Variants in NTM observed in about 807,000 individuals in gnomAD.
The protein encoded by NTM is IgLON family member 2.
Under a neutral mutation model 42.1 loss-of-function variants are expected in NTM, and 13 were observed. The ratio of observed to expected loss-of-function variants is 0.31; its 90% CI spans 0.20 to 0.49. The LOEUF (loss-of-function observed/expected upper bound fraction) is 0.49. NTM is among the 20% of genes least tolerant of loss of function. The pLI is 0.99. For synonymous variants in NTM, 187 were observed against 179.2 expected (o/e 1.04, Z -0.35); for missense variants, 373 against 452.8 (o/e 0.82, Z 1.60).
At chr11:131,622,569 G>T (rs1297814446) in intron 1 of NTM, among the ~76,000 whole-genome samples, 4 of 152,068 alleles carry the variant, frequency 2.6e-5, no homozygotes, top group Admixed American at 1.3e-4. Context: ...CTATTTGGTA[G>T]CCAAAATTTT....
chr11:131,444,368 C>A (rs1350488134), intron 1 of NTM, among the ~76,000 whole-genome samples: 1 of 152,088 alleles, frequency 6.6e-6, no homozygotes, highest in Non-Finnish European at 1.5e-5. Context: ...TCAGATTGCT[C>A]ATATCAAATG....
At chr11:132,107,442 C>T (rs1286922765) in intron 2 of NTM, among the ~76,000 whole-genome samples, 1 of 150,276 alleles carries the variant, frequency 6.7e-6, no homozygotes, top group Non-Finnish European at 1.5e-5. Flanking sequence ...CCTCAACTCC[C>T]CAAGCTCAAG....
At chr11:131,975,541 G>C (rs1445980362) in intron 2 of NTM, among the ~76,000 whole-genome samples, 3 of 146,946 alleles carry the variant, frequency 2.0e-5, no homozygotes, top group East Asian at 2.5e-4. Context: ...GTTAGGGGAG[G>C]GGGGAAAAAA....
intron 3 of NTM, among the ~76,000 whole-genome samples, chr11:132,170,850 AG>A (rs990394427): frequency 9.2e-5 from 14 of 152,210 alleles, no homozygotes; most frequent in African/African-American, 3.1e-4. Context: ...TGTTGGGAAT[AG>A]GAAAATGAGT....
intron 1 of NTM, among the ~76,000 whole-genome samples, chr11:131,589,840 G>A (rs946657845): frequency 1.8e-4 from 28 of 152,164 alleles, no homozygotes; most frequent in Admixed American, 5.9e-4. Flanking sequence ...GGAGGTGTGA[G>A]GCTTATATCA....
chr11:132,000,161 C>T (rs536871505), intron 2 of NTM, among the ~76,000 whole-genome samples: 1 of 152,288 alleles, frequency 6.6e-6, no homozygotes, highest in East Asian at 1.9e-4. Flanking sequence ...GCTTCTACTG[C>T]ACACACTCCC....
At chr11:131,492,444 C>T (rs1480350368) in intron 1 of NTM, among the ~76,000 whole-genome samples, 1 of 152,154 alleles carries the variant, frequency 6.6e-6, no homozygotes, top group Non-Finnish European at 1.5e-5. Flanking sequence ...ACAGTACCTT[C>T]CACAACTTCA....
intron 1 of NTM, among the ~76,000 whole-genome samples, chr11:131,609,771 C>A (rs2137523134): frequency 6.6e-6 from 1 of 152,330 alleles, no homozygotes; most frequent in Admixed American, 6.5e-5. Flanking sequence ...CTGTCTTCAA[C>A]CCTTCTACCC....
At chr11:131,600,929 A>G (rs2137417939) in intron 1 of NTM, among the ~76,000 whole-genome samples, 1 of 152,316 alleles carries the variant, frequency 6.6e-6, no homozygotes, top group East Asian at 1.9e-4. Flanking sequence ...GAATTGAGTC[A>G]GGATCAGGGA....
chr11:131,618,629 A>C (rs562586621), intron 1 of NTM, among the ~76,000 whole-genome samples: 1 of 152,322 alleles, frequency 6.6e-6, no homozygotes, highest in African/African-American at 2.4e-5. Context: ...AGCCCACTTT[A>C]AAACCTCCCC....
At chr11:132,129,223 C>T (rs1475650608) in intron 2 of NTM, among the ~76,000 whole-genome samples, 1 of 152,130 alleles carries the variant, frequency 6.6e-6, no homozygotes, top group African/African-American at 2.4e-5. Flanking sequence ...AAACTGTTTG[C>T]ATTTCTGGAA....
At chr11:131,779,707 C>T (rs1000542234) in intron 1 of NTM, among the ~76,000 whole-genome samples, 3 of 152,118 alleles carry the variant, frequency 2.0e-5, no homozygotes, top group Admixed American at 1.3e-4. Context: ...TAAGCTGCAA[C>T]TCAGGGCAAG....
intron 4 of NTM, chr11:132,284,204 T>C (rs1346098803): frequency 6.6e-6 from 1 of 152,310 alleles, no homozygotes; most frequent in African/African-American, 2.4e-5. Flanking sequence ...ACACCCACTC[T>C]ACTGGTTGCT....
At chr11:132,011,407 GATAATGGCAGCGGAGTCA>G (rs1334846952) in intron 2 of NTM, among the ~76,000 whole-genome samples, 2 of 152,208 alleles carry the variant, frequency 1.3e-5, no homozygotes. Context: ...ATGGAAAACA[GATAATGGCAGCGGAGTCA>G]ATAAAGTCAG....
intron 1 of NTM, among the ~76,000 whole-genome samples, chr11:131,462,778 C>A (rs1008323960): frequency 6.6e-6 from 1 of 151,786 alleles, no homozygotes; most frequent in African/African-American, 2.4e-5. Flanking sequence ...AGAGCGGGCC[C>A]ACCTAGGGTG....
chr11:131,585,177 CT>C (rs1023141030), intron 1 of NTM, among the ~76,000 whole-genome samples: 1 of 152,196 alleles, frequency 6.6e-6, no homozygotes, highest in Non-Finnish European at 1.5e-5. Flanking sequence ...GTGGCTGATT[CT>C]TTTTTTGTGT....
intron 3 of NTM, among the ~76,000 whole-genome samples, chr11:132,171,183 C>A (rs2076063478): frequency 6.6e-6 from 1 of 152,180 alleles, no homozygotes; most frequent in South Asian, 2.1e-4. Flanking sequence ...TTCCCCAGGG[C>A]AGCACAAGCT....
chr11:131,824,722 C>G (rs1195728650), intron 1 of NTM, among the ~76,000 whole-genome samples: 5 of 152,162 alleles, frequency 3.3e-5, no homozygotes. Flanking sequence ...GTGAATGAAT[C>G]TTACTTAGGC....
intron 2 of NTM, among the ~76,000 whole-genome samples, chr11:132,145,827 T>C (rs1239609591): frequency 6.6e-6 from 1 of 152,130 alleles, no homozygotes; most frequent in Non-Finnish European, 1.5e-5. Flanking sequence ...GGAGAACTAG[T>C]TTAGTTTAGT....
Sources: gnomAD v4.1 joint callset for allele counts (sites outside exome capture counted in the v4.1 genomes callset) on GRCh38, gnomAD v4.1.1 for gene constraint, MANE v1.5 for transcripts, NCBI Gene and HGNC (gene_info 2026-07-23, HGNC 2026-07-21) for gene names.